GUCY2C: variants seen among roughly 807,000 people sequenced by gnomAD.
The protein encoded by GUCY2C is guanylyl cyclase C.
In GUCY2C, 118 loss-of-function variants were observed where a neutral mutation model predicts 131.1. The observed-to-expected ratio is 0.90, with a 90% confidence interval of 0.78 to 1.05. The LOEUF is 1.05. GUCY2C is among the 50% of genes least tolerant of loss of function. The probability of loss-of-function intolerance (pLI) is 0.00; values close to 1 mark genes in which losing one functional copy is unlikely to be tolerated. For synonymous variants in GUCY2C, 452 were observed against 457.8 expected (o/e 0.99, Z 0.16); for missense variants, 1,161 against 1,304.4 (o/e 0.89, Z 1.69).
At chr12:14,661,353 G>C (rs180982630) in intron 10 of GUCY2C, among the ~76,000 whole-genome samples, 1 of 152,162 alleles carries the variant, frequency 6.6e-6, no homozygotes, top group East Asian at 1.9e-4. Flanking sequence ...ATAGTTTAGA[G>C]CACGTACAAA....
rs954121930 is a variant in GUCY2C, at chr12:14,661,173, A to C, written c.1283-111T>G. 8.8e-6 allele frequency: 6 copies of C among 678,118 alleles called. No homozygotes were observed. In the Admixed American group the frequency reaches 1.6e-4, roughly 18 times the overall value. The allele number at this position is 678,118 out of a possible 1,614,324, so 42.0% of individuals were successfully genotyped here. On this transcript the variant is annotated intron_variant, in intron 10 of 26. Coordinates refer to ENST00000261170, the MANE Select transcript of GUCY2C (RefSeq NM_004963.4). ...AAGGGAAAAGAGAACCCTTTAAAAA[A>C]ATTTATTTTTTATTAATTTCTCTCT... is the stretch of plus-strand genomic sequence containing the variant.
chr12:14,617,076 G>A (rs1034845701), intron 24 of GUCY2C, among the ~76,000 whole-genome samples: 7 of 152,208 alleles, frequency 4.6e-5, no homozygotes, highest in Admixed American at 4.6e-4. Context: ...TGTGGCACCT[G>A]CCCCTGCCAC....
rs779848121 is a variant in GUCY2C at position 14,613,070 on chromosome 12, G to T, written c.*47C>A. On this transcript the variant is annotated 3_prime_UTR_variant, in exon 27 of 27. Coordinates refer to ENST00000261170, the MANE Select transcript of GUCY2C (RefSeq NM_004963.4). The surrounding 1 kb of genome is among the most constrained non-coding windows in gnomAD (Gnocchi z 4.9). ...CAGGACACTTGAGGTCGCTGCCTCAGTGCAGCTGTATTTTAATTTGTGTGA... is the reference window on the plus strand; with the variant it reads ...CAGGACACTTGAGGTCGCTGCCTCATTGCAGCTGTATTTTAATTTGTGTGA... 6.8e-7 allele frequency: 1 copy of T among 1,475,216 alleles called. No individual in the cohort carries two copies. The highest frequency in any genetic ancestry group is 9.5e-7 in the Non-Finnish European group (1 of 1,055,566). The allele number at this position is 1,475,216 out of a possible 1,614,324, so 91.4% of individuals were successfully genotyped here.
intron 4 of GUCY2C, 100 bp from the exon 5 acceptor site, chr12:14,681,577 T>A: frequency 1.0e-6 from 1 of 985,908 alleles, no homozygotes; most frequent in Non-Finnish European, 1.6e-6. Flanking sequence ...TTTGTTCATC[T>A]AAAATTCATT....
chr12:14,625,980 CAA>C, intron 20 of GUCY2C, 65 bp from the exon 21 acceptor site: 1 of 931,700 alleles, frequency 1.1e-6, no homozygotes, highest in Non-Finnish European at 1.7e-6. Context: ...TCCAATAAAA[CAA>C]TGGACAAATA....
chr12:14,668,206 T>C (rs961068005), intron 10 of GUCY2C, among the ~76,000 whole-genome samples: 1 of 152,036 alleles, frequency 6.6e-6, no homozygotes, highest in African/African-American at 2.4e-5. Flanking sequence ...AGTCTTGCTC[T>C]GTTCCCCAGG....
chr12:14,635,098 G>A (rs1321734963), intron 19 of GUCY2C, among the ~76,000 whole-genome samples: 1 of 152,142 alleles, frequency 6.6e-6, no homozygotes, highest in Non-Finnish European at 1.5e-5. Context: ...GATTTAAACT[G>A]CACGTTAGAA....
At chr12:14,623,359 T>G (rs1946933364) in intron 21 of GUCY2C, among the ~76,000 whole-genome samples, 1 of 152,200 alleles carries the variant, frequency 6.6e-6, no homozygotes. Flanking sequence ...CTAACACTCA[T>G]TTGGAGAACC....
intron 1 of GUCY2C, among the ~76,000 whole-genome samples, chr12:14,689,372 G>A (rs1294687369): frequency 6.6e-6 from 1 of 152,010 alleles, no homozygotes; most frequent in Non-Finnish European, 1.5e-5. Flanking sequence ...TGTGGTGATG[G>A]AGGTGGACAT....
In GUCY2C at chr12:14,653,013, A is replaced by T; in HGVS notation, c.1472T>A (p.Ile491Asn). 1 of 1,608,366 alleles carries T rather than the reference A, an allele frequency of 6.2e-7. No homozygotes were observed. Residue 491 changes from isoleucine (I) to asparagine (N), a missense_variant and splice_region_variant, in exon 13 of 27, where the codon ATC becomes AAC. Physicochemically the swap from Ile to Asn is moderately radical, Grantham distance 149 (BLOSUM62 -3). Coordinates refer to ENST00000261170, the MANE Select transcript of GUCY2C (RefSeq NM_004963.4). The stretch of plus-strand genomic sequence containing the variant: ...TGTATCTCGTCTTTTGTCATCATCG[A>T]TCTGGCACAAGAAAAGGCTAATTAT... Reference protein sequence around the residue: ...TNETNHVSLKIDDDKRRDTIQ... With the variant: ...TNETNHVSLKNDDDKRRDTIQ...
chr12:14,638,534 C>A (rs376987255), intron 19 of GUCY2C, among the ~76,000 whole-genome samples: 1 of 152,104 alleles, frequency 6.6e-6, no homozygotes, highest in Non-Finnish European at 1.5e-5. Context: ...ACCATTTAGC[C>A]ATAAAAATAA....
intron 25 of GUCY2C, among the ~76,000 whole-genome samples, chr12:14,615,632 G>GATATAT (rs145901435): frequency 1.4e-4 from 21 of 145,820 alleles, no homozygotes; most frequent in Middle Eastern, 3.6e-3. Flanking sequence ...ATGAGTGATT[G>GATATAT]ATATATATAT....
Position 14,648,492 on chromosome 12 carries a change from A to T in GUCY2C, c.1710+2915T>A, listed in dbSNP as rs184245159. Among the ~76,000 whole-genome samples, 10 of 152,314 alleles carry T rather than the reference A, an allele frequency of 6.6e-5. No individual in the cohort carries two copies. In the East Asian group the frequency reaches 1.7e-3, roughly 26 times the overall value. On this transcript the variant is annotated intron_variant, in intron 15 of 26. Coordinates refer to ENST00000261170, the MANE Select transcript of GUCY2C (RefSeq NM_004963.4). ...ACAACCTCACACACAAAAAGTACTT[A>T]TACAAGGACATCTGCCCAACAACTG...
rs1280608121 is a variant in GUCY2C, at chr12:14,643,142, A to T, written c.1930+432T>A. On this transcript the variant is annotated intron_variant, in intron 17 of 26. Transcript: ENST00000261170. Reference sequence around the variant, plus strand: ...TTTCCTTAACATTTCTTATTACCACACATAAATGAATGATGTCTTGAATGG... The same window carrying T: ...TTTCCTTAACATTTCTTATTACCACTCATAAATGAATGATGTCTTGAATGG... Among the ~76,000 whole-genome samples, 3 of 152,202 alleles carry T rather than the reference A, an allele frequency of 2.0e-5. No individual in the cohort carries two copies. In the East Asian group the frequency reaches 5.8e-4, roughly 29 times the overall value.
intron 25 of GUCY2C, 84 bp downstream of exon 25, chr12:14,616,549 C>T (rs1276264440): frequency 3.7e-6 from 3 of 806,670 alleles, no homozygotes; most frequent in Admixed American, 1.7e-5. Context: ...TTAGCATGCT[C>T]AACTTTCCTG....
chr12:14,688,673 T>G (rs1463470597), intron 1 of GUCY2C, among the ~76,000 whole-genome samples: 1 of 152,224 alleles, frequency 6.6e-6, no homozygotes, highest in Non-Finnish European at 1.5e-5. Context: ...TGAACAAAAG[T>G]TCCCCCTTTC....
intron 19 of GUCY2C, among the ~76,000 whole-genome samples, chr12:14,629,439 C>A (rs1165914989): frequency 2.0e-5 from 3 of 152,076 alleles, no homozygotes; most frequent in African/African-American, 4.8e-5. Context: ...AGGACTCAGA[C>A]CTTAGTTGTA....
rs1329184591 is a variant in GUCY2C at position 14,616,652 on chromosome 12, C to T, written c.2951G>A (p.Arg984Lys). The change falls in exon 25 of 27, where the codon AGA becomes AAA. Residue 984 changes from arginine to lysine, a missense_variant. Coordinates refer to ENST00000261170, the MANE Select transcript of GUCY2C (RefSeq NM_004963.4). ...RTECQFLYEV[R>K]GETYLKGRGN... ...CCTTACCTTTAAGTATGTTTCTCCT[C>T]TCACTTCATAAAGGAACTGGCACTC... The T allele has an allele frequency of 1.3e-6, 2 of 1,589,948 alleles. No individual in the cohort carries two copies. The highest frequency in any genetic ancestry group is 3.3e-5 in the Admixed American group (2 of 59,954).
chr12:14,694,428 G>A (rs561947746), intron 1 of GUCY2C, among the ~76,000 whole-genome samples: 3 of 152,310 alleles, frequency 2.0e-5, no homozygotes, highest in African/African-American at 7.2e-5. Context: ...AAGAGGTGAT[G>A]TAATTGAAGT....
Sources: gnomAD v4.1 joint callset for allele counts (sites outside exome capture counted in the v4.1 genomes callset) on GRCh38, gnomAD v4.1.1 for gene constraint, Gnocchi (gnomAD v3.1) non-coding constraint, MANE v1.5 for transcripts, NCBI Gene and HGNC (gene_info 2026-07-23, HGNC 2026-07-21) for gene names.